Variants in SYNPR observed in about 807,000 individuals in gnomAD.
SYNPR encodes the protein synaptoporin.
SYNPR carries 23 observed loss-of-function variants against 32.9 expected under a neutral mutation model. The observed-to-expected ratio is 0.70, with a 90% CI of 0.50 to 0.99. SYNPR has a LOEUF of 0.99. Among genes scored for constraint, SYNPR ranks in the 50% least tolerant of loss-of-function variants. The probability of loss-of-function intolerance (pLI) is 0.00; values close to 1 mark genes in which losing one functional copy is unlikely to be tolerated. For missense variants in SYNPR, 318 were observed against 349.3 expected, an observed-to-expected ratio of 0.91 and a Z score of 0.71; for synonymous variants, 146 against 135.9, an observed-to-expected ratio of 1.07 and a Z score of -0.52.
At chr3:63,386,709 C>T (rs551407626) in intron 2 of SYNPR, among the ~76,000 whole-genome samples, 1 of 152,080 alleles carries the variant, frequency 6.6e-6, no homozygotes, top group Non-Finnish European at 1.5e-5. Context: ...GGGTGAATGA[C>T]CTCAGATCAG....
chr3:63,613,185 T>C (rs1461021229), intron 5 of SYNPR, among the ~76,000 whole-genome samples: 1 of 151,640 alleles, frequency 6.6e-6, no homozygotes, highest in Non-Finnish European at 1.5e-5. Flanking sequence ...GGTCTTGCTA[T>C]GTTGCCCAGG....
chr3:63,543,232 C>T (rs930610685), intron 3 of SYNPR, among the ~76,000 whole-genome samples: 1 of 152,084 alleles, frequency 6.6e-6, no homozygotes, highest in Non-Finnish European at 1.5e-5. Context: ...TGATCTAATG[C>T]ATCCCTCGAA....
intron 2 of SYNPR, among the ~76,000 whole-genome samples, chr3:63,366,838 C>T (rs2087733925): frequency 6.6e-6 from 1 of 152,198 alleles, no homozygotes; most frequent in African/African-American, 2.4e-5. Context: ...GGTTAAGAAA[C>T]TTGCCCCAAG....
chr3:63,257,292 G>T (rs768792034), intron 2 of SYNPR, among the ~76,000 whole-genome samples: 33 of 152,090 alleles, frequency 2.2e-4, no homozygotes, highest in Non-Finnish European at 4.0e-4. Context: ...TGAAATGAAG[G>T]AAAAAATGTT....
At chr3:63,401,206 G>A (rs1165762039) in intron 2 of SYNPR, among the ~76,000 whole-genome samples, 1 of 152,142 alleles carries the variant, frequency 6.6e-6, no homozygotes, top group Non-Finnish European at 1.5e-5. Flanking sequence ...CAGATTGGTG[G>A]CGCAGGGGTG....
At chr3:63,465,229 C>T (rs1025810380) in intron 2 of SYNPR, among the ~76,000 whole-genome samples, 10 of 152,082 alleles carry the variant, frequency 6.6e-5, no homozygotes, top group African/African-American at 2.4e-4. Context: ...AAAAGCTACT[C>T]TCCCATAATG....
chr3:63,255,778 G>A (rs1315853180), intron 2 of SYNPR, among the ~76,000 whole-genome samples: 1 of 151,830 alleles, frequency 6.6e-6, no homozygotes, highest in Non-Finnish European at 1.5e-5. Context: ...TGCACCGAGT[G>A]TGAGCAGGAA....
At chr3:63,267,255 A>C (rs1437385136) in intron 2 of SYNPR, 1 of 152,214 alleles carries the variant, frequency 6.6e-6, no homozygotes. Flanking sequence ...AAAAGGATAC[A>C]TGAGTTTTTC....
At chr3:63,457,251 T>C (rs1206579458) in intron 2 of SYNPR, among the ~76,000 whole-genome samples, 3 of 152,180 alleles carry the variant, frequency 2.0e-5, no homozygotes, top group Non-Finnish European at 4.4e-5. Context: ...GAGTAAACTC[T>C]GACTACCCCT....
At chr3:63,418,942 T>C (rs2088574748) in intron 2 of SYNPR, among the ~76,000 whole-genome samples, 1 of 152,186 alleles carries the variant, frequency 6.6e-6, no homozygotes, top group Admixed American at 6.5e-5. Flanking sequence ...TAGTAGAATA[T>C]TTGGTTTAAT....
chr3:63,467,758 G>A (rs766203191), intron 2 of SYNPR, among the ~76,000 whole-genome samples: 13 of 152,150 alleles, frequency 8.5e-5, no homozygotes, highest in African/African-American at 1.7e-4. Flanking sequence ...CAATATCAAC[G>A]CTGCCTTTTA....
At chr3:63,260,757 A>G (rs1256797144) in intron 2 of SYNPR, among the ~76,000 whole-genome samples, 28 of 152,130 alleles carry the variant, frequency 1.8e-4, no homozygotes, top group Middle Eastern at 3.4e-3. Context: ...TGCACAGCAA[A>G]AGAAACTACC....
chr3:63,206,663 G>A, the SYNPR span, among the ~76,000 whole-genome samples: 2 of 152,156 alleles, frequency 1.3e-5, no homozygotes, highest in Non-Finnish European at 2.9e-5. Flanking sequence ...CTTTTTGAAT[G>A]TGACATAGAG....
chr3:63,532,695 A>T (rs755788102), intron 3 of SYNPR, among the ~76,000 whole-genome samples: 14 of 152,224 alleles, frequency 9.2e-5, no homozygotes, highest in African/African-American at 1.4e-4. Context: ...GGCCATGGTC[A>T]GTTGCTGCTA....
chr3:63,328,605 G>A (rs1001203771), intron 2 of SYNPR, among the ~76,000 whole-genome samples: 2 of 152,180 alleles, frequency 1.3e-5, no homozygotes, highest in African/African-American at 2.4e-5. Flanking sequence ...GCAGCCCTGG[G>A]AAGAATGCAG....
At chr3:63,211,452 T>C in the SYNPR span, among the ~76,000 whole-genome samples, 3 of 152,222 alleles carry the variant, frequency 2.0e-5, no homozygotes. Context: ...TTACAGTTTT[T>C]TGCAGCAATA....
intron 2 of SYNPR, among the ~76,000 whole-genome samples, chr3:63,350,842 T>C (rs1181674561): frequency 6.6e-6 from 1 of 152,198 alleles, no homozygotes; most frequent in Non-Finnish European, 1.5e-5. Context: ...ATCATGTCTA[T>C]AGCTTGAATT....
chr3:63,456,046 T>C (rs1700475835), intron 2 of SYNPR, among the ~76,000 whole-genome samples: 1 of 152,070 alleles, frequency 6.6e-6, no homozygotes, highest in Non-Finnish European at 1.5e-5. Context: ...CTTAGATGGA[T>C]GGCAGCAGGC....
the SYNPR span, among the ~76,000 whole-genome samples, chr3:63,223,259 G>A: frequency 6.8e-6 from 1 of 147,844 alleles, no homozygotes; most frequent in Admixed American, 7.0e-5. Flanking sequence ...TCAGTGATAG[G>A]AGCAAGCCCT....
Sources: gnomAD v4.1 joint callset for allele counts (sites outside exome capture counted in the v4.1 genomes callset) on GRCh38, gnomAD v4.1.1 for gene constraint, MANE v1.5 for transcripts, NCBI Gene and HGNC (gene_info 2026-07-23, HGNC 2026-07-21) for gene names.